Variants in RESF1 observed in about 807,000 individuals in gnomAD.
RESF1 encodes retroelement silencing factor 1.
A neutral mutation model predicts 134.7 loss-of-function variants in RESF1; 65 were observed. That is an observed-to-expected ratio of 0.48 (90% CI 0.40 to 0.59). The LOEUF (loss-of-function observed/expected upper bound fraction) is 0.59. RESF1 is among the 20% of genes least tolerant of loss of function. RESF1 has a pLI of 0.00. For missense variants in RESF1, 2,274 were observed against 2,002.7 expected (o/e 1.14, Z -2.59); for synonymous variants, 762 against 702.2 (o/e 1.09, Z -1.35).
chr12:31,971,638 A>G (rs943300241), intron 3 of RESF1, among the ~76,000 whole-genome samples: 3 of 152,198 alleles, frequency 2.0e-5, no homozygotes, highest in Admixed American at 2.0e-4. Flanking sequence ...CCCTGTTTTC[A>G]GGCATACACT....
Position 31,981,653 on chromosome 12 carries a change from A to G in RESF1, c.698A>G (p.Lys233Arg). 6.2e-7 allele frequency: 1 copy of G among 1,614,056 alleles called. No homozygotes were observed. The highest frequency in any genetic ancestry group is 8.5e-7 in the Non-Finnish European group (1 of 1,180,014). ...QSFLPDSTIQ[K>R]QNFIPHTSLQ... Reference sequence around the variant, plus strand: ...TTTTTACCAGATTCTACCATTCAAAAACAAAACTTTATACCACATACATCA... The same window carrying G: ...TTTTTACCAGATTCTACCATTCAAAGACAAAACTTTATACCACATACATCA... Residue 233 changes from lysine (K) to arginine (R), a missense_variant, in exon 4 of 6, where the codon AAA (lysine) becomes AGA (arginine). By Grantham distance (26) the Lys-to-Arg change is conservative. Transcript: ENST00000312561.
At chr12:31,991,197 C>CAAAAAA (rs34643110) in intron 5 of RESF1, among the ~76,000 whole-genome samples, 23 of 139,378 alleles carry the variant, frequency 1.7e-4, no homozygotes, top group Non-Finnish European at 9.3e-5. Context: ...GACCCTGTCT[C>CAAAAAA]AAAAAAAAAA....
chr12:31,985,574 T>G lies in RESF1; in HGVS notation c.4619T>G (p.Val1540Gly), dbSNP rs1361432052. 2 of 1,598,460 alleles carry G rather than the reference T, an allele frequency of 1.3e-6. No homozygotes were observed. Among genetic ancestry groups the G allele is most frequent in the Non-Finnish European group, 1.7e-6 (2 of 1,175,570 alleles). The change falls in exon 4 of 6, where the codon GTT becomes GGT. Residue 1540 changes from valine to glycine, a missense_variant. Coordinates refer to ENST00000312561, the MANE Select transcript of RESF1 (RefSeq NM_018169.4). ...YNILRNVKEKVGGKQPDKIWI... is the reference protein window; with the variant it reads ...YNILRNVKEKGGGKQPDKIWI... ...ATTCTAAGGAATGTTAAAGAAAAAGTTGGTGGGAAGCAGCCTGATAAAATA... is the reference window on the plus strand; with the variant it reads ...ATTCTAAGGAATGTTAAAGAAAAAGGTGGTGGGAAGCAGCCTGATAAAATA...
rs1939911204 is a variant in RESF1 at position 31,984,563 on chromosome 12, A to T, written c.3608A>T (p.Gln1203Leu). The change falls in exon 4 of 6, where the codon CAA becomes CTA. Residue 1203 changes from glutamine to leucine, a missense_variant. Transcript: ENST00000312561. Reference protein sequence around the residue: ...IKNSSSEEEKQKEQCSPLDTN... With the variant: ...IKNSSSEEEKLKEQCSPLDTN... ...AACTCATCTTCAGAGGAAGAGAAAC[A>T]AAAAGAGCAGTGTTCTCCTTTGGAT... 6.3e-7 allele frequency: 1 copy of T among 1,587,824 alleles called. No homozygotes were observed. Among genetic ancestry groups the T allele is most frequent in the Non-Finnish European group, 8.6e-7 (1 of 1,168,766 alleles).
intron 3 of RESF1, among the ~76,000 whole-genome samples, chr12:31,975,212 T>TAAAGTA (rs1939603831): frequency 6.6e-6 from 1 of 151,848 alleles, no homozygotes. Context: ...AGGTGGAGGT[T>TAAAGTA]GCAGATCGTG....
intron 3 of RESF1, among the ~76,000 whole-genome samples, chr12:31,973,530 A>G (rs1939561289): frequency 6.6e-6 from 1 of 152,076 alleles, no homozygotes; most frequent in African/African-American, 2.4e-5. Context: ...CGTAATCCCT[A>G]TGTTGTTCAA....
chr12:31,984,933 T>C lies in RESF1; in HGVS notation c.3978T>C (p.His1326=). 3.1e-6 allele frequency: 5 copies of C among 1,613,352 alleles called. No homozygotes were observed. The highest frequency in any genetic ancestry group is 1.1e-5 in the South Asian group (1 of 90,726). The change falls in exon 4 of 6, where the codon CAT becomes CAC. Residue 1326 remains histidine (H), a synonymous_variant. Coordinates refer to ENST00000312561, the MANE Select transcript of RESF1 (RefSeq NM_018169.4). The part of the protein sequence containing the change: ...QASQETRQKK[H]VTQNSRPLKT... Reference sequence around the variant, plus strand: ...CTCAGGAAACCCGACAGAAGAAACATGTAACACAGAACTCACGTCCACTAA... The same window carrying C: ...CTCAGGAAACCCGACAGAAGAAACACGTAACACAGAACTCACGTCCACTAA...
chr12:31,984,016 T>C lies in RESF1; in HGVS notation c.3061T>C (p.Tyr1021His). Residue 1021 changes from tyrosine to histidine, a missense_variant, in exon 4 of 6, where the codon TAC (tyrosine) becomes CAC (histidine). Tyr to His is a moderately conservative substitution (Grantham distance 83, BLOSUM62 2). Transcript: ENST00000312561. ...CSSAAIQEDI[Y>H]PQEIDASSNY... ...GTCAGCTGCTATTCAGGAGGATATT[T>C]ACCCTCAGGAAATAGATGCATCCAG... is the stretch of plus-strand genomic sequence containing the variant. 1.2e-6 allele frequency: 2 copies of C among 1,614,040 alleles called. No homozygotes were observed. Among genetic ancestry groups the C allele is most frequent in the South Asian group, 2.2e-5 (2 of 91,076 alleles).
Position 31,982,819 on chromosome 12 carries a change from A to T in RESF1, c.1864A>T (p.Met622Leu), listed in dbSNP as rs540969795. Residue 622 changes from methionine to leucine, a missense_variant, in exon 4 of 6, where the codon ATG (methionine) becomes TTG (leucine). Physicochemically the swap from Met to Leu is conservative, Grantham distance 15. Transcript: ENST00000312561. ...DSCEMNPNTQ[M>L]TGNQLNLKNM... ...TTGTGAAATGAATCCAAATACCCAA[A>T]TGACTGGTAACCAACTGAATTTGAA... 13 of 1,614,160 alleles carry T rather than the reference A, an allele frequency of 8.1e-6. No individual in the cohort carries two copies. The East Asian group carries it at 2.5e-4, about 30-fold the overall frequency.
At chr12:31,988,055 C>A (rs1361568582) in intron 5 of RESF1, among the ~76,000 whole-genome samples, 1 of 152,082 alleles carries the variant, frequency 6.6e-6, no homozygotes, top group Non-Finnish European at 1.5e-5. Flanking sequence ...CTTTATCTAC[C>A]AAAATAGGCA....
At chr12:31,980,212 A>T (rs1939746992) in intron 3 of RESF1, among the ~76,000 whole-genome samples, 1 of 149,452 alleles carries the variant, frequency 6.7e-6, no homozygotes. Flanking sequence ...CCCAGGTTCA[A>T]GTGATTCTTG....
Position 31,984,382 on chromosome 12 carries a change from G to C in RESF1, c.3427G>C (p.Val1143Leu). Residue 1143 changes from valine (V) to leucine (L), a missense_variant, in exon 4 of 6, where the codon GTA (valine) becomes CTA (leucine). Transcript: ENST00000312561. ...TCAGAAAGAAGAGCCCATCACAGAA[G>C]TAGTTAGCCAGTGTGACCTGCAGGC... ...EPQKEEPITE[V>L]VSQCDLQAPA... 1 of 1,614,118 alleles carries C rather than the reference G, an allele frequency of 6.2e-7. No individual in the cohort carries two copies. Among genetic ancestry groups the C allele is most frequent in the Non-Finnish European group, 8.5e-7 (1 of 1,180,016 alleles).
At chr12:31,963,952 G>T (rs1385473193) in intron 2 of RESF1, among the ~76,000 whole-genome samples, 1 of 152,106 alleles carries the variant, frequency 6.6e-6, no homozygotes. Flanking sequence ...CGTTTGACAC[G>T]TTTTCACTCT....
intron 2 of RESF1, among the ~76,000 whole-genome samples, chr12:31,966,793 G>A (rs924363374): frequency 6.6e-6 from 1 of 152,178 alleles, no homozygotes; most frequent in Non-Finnish European, 1.5e-5. Flanking sequence ...CTAAGACAAA[G>A]TACAATGGAT....
In RESF1 at chr12:31,985,364, A is replaced by G. The variant is rs1482435111; in HGVS notation, c.4409A>G (p.Lys1470Arg). ...AAAGCATCGAAGAAAATCTGTGTGA[A>G]AAACGTGCCATGTGATTCTGAACAT... Reference protein sequence around the residue: ...SNKASKKICVKNVPCDSEHMR... With the variant: ...SNKASKKICVRNVPCDSEHMR... The change falls in exon 4 of 6, where the codon AAA becomes AGA. Residue 1470 changes from lysine to arginine, a missense_variant. Lys to Arg is a conservative substitution (Grantham distance 26). Coordinates refer to ENST00000312561, the MANE Select transcript of RESF1 (RefSeq NM_018169.4). 15 of 1,607,570 alleles carry G rather than the reference A, an allele frequency of 9.3e-6. No homozygotes were observed. Among genetic ancestry groups the G allele is most frequent in the Non-Finnish European group, 1.3e-5 (15 of 1,178,584 alleles).
chr12:31,984,372 C>T lies in RESF1; in HGVS notation c.3417C>T (p.Pro1139=), dbSNP rs755281268. 6.2e-7 allele frequency: 1 copy of T among 1,614,108 alleles called. No individual in the cohort carries two copies. The highest frequency in any genetic ancestry group is 8.5e-7 in the Non-Finnish European group (1 of 1,180,016). Residue 1139 remains proline, a synonymous_variant, in exon 4 of 6, where the codon CCC becomes CCT. Transcript: ENST00000312561. ...TGGCAGAACCTCAGAAAGAAGAGCC[C>T]ATCACAGAAGTAGTTAGCCAGTGTG... The part of the protein sequence containing the change: ...DKLAEPQKEE[P]ITEVVSQCDL...
chr12:31,963,702 C>A (rs1939331923), intron 2 of RESF1, among the ~76,000 whole-genome samples: 1 of 152,198 alleles, frequency 6.6e-6, no homozygotes, highest in East Asian at 1.9e-4. Flanking sequence ...TATCTCCATA[C>A]TCAATAGTGG....
rs1223983082 is a variant in RESF1 at position 31,970,191 on chromosome 12, GTTTAC to G, written c.-241_-237del. The G allele has an allele frequency of 1.3e-5, 2 of 152,182 alleles. No individual in the cohort carries two copies. Among genetic ancestry groups the G allele is most frequent in the East Asian group, 1.9e-4 (1 of 5,200 alleles). 9.4% of individuals were successfully genotyped at this position (152,182 alleles called of 1,614,324 possible). On this transcript the variant is annotated 5_prime_UTR_variant, in exon 3 of 6. Coordinates refer to ENST00000312561, the MANE Select transcript of RESF1 (RefSeq NM_018169.4). ...ATTATCTTTATGCTTTCTTGCAGCT[GTTTAC>G]TTCTAATTATTTCCTGATTCACAAA...
intron 2 of RESF1, among the ~76,000 whole-genome samples, chr12:31,967,152 C>T (rs551711649): frequency 6.6e-6 from 1 of 152,246 alleles, no homozygotes; most frequent in African/African-American, 2.4e-5. Flanking sequence ...GTGTTCTCAT[C>T]TGGCTTGGTG....
Sources: allele counts gnomAD v4.1 joint callset (sites outside exome capture counted in the v4.1 genomes callset), GRCh38; gene constraint gnomAD v4.1.1; transcripts MANE v1.5; gene names NCBI Gene and HGNC (gene_info 2026-07-23, HGNC 2026-07-21).